Variants in SEC22A observed in about 807,000 individuals in gnomAD.
SEC22A encodes the protein vesicle-trafficking protein SEC22a.
SEC22A carries 22 observed loss-of-function variants against 35.3 expected under a neutral mutation model. The ratio of observed to expected loss-of-function variants is 0.62; its 90% CI spans 0.45 to 0.89. The LOEUF is 0.89. Among genes scored for constraint, SEC22A ranks in the 40% least tolerant of loss-of-function variants. SEC22A has a pLI of 0.00. For synonymous variants in SEC22A, 119 were observed against 129.5 expected, an observed-to-expected ratio of 0.92 and a Z score of 0.55; for missense variants, 354 against 362.5, an observed-to-expected ratio of 0.98 and a Z score of 0.19.
In SEC22A at chr3:123,271,558, G is replaced by A. The variant is rs1443325051; in HGVS notation, c.760G>A (p.Val254Ile). 1 of 1,613,972 alleles carries A rather than the reference G, an allele frequency of 6.2e-7. No individual in the cohort carries two copies. The highest frequency in any genetic ancestry group is 8.5e-7 in the Non-Finnish European group (1 of 1,180,002). ...TGTCTACTACACCGGCTGGCGGAATGTCAAATCTTTTTTGACTTTTGGCTT... is the reference window on the plus strand; with the variant it reads ...TGTCTACTACACCGGCTGGCGGAATATCAAATCTTTTTTGACTTTTGGCTT... ...LLVYYTGWRNVKSFLTFGLIC... is the reference protein window; with the variant it reads ...LLVYYTGWRNIKSFLTFGLIC... Residue 254 changes from valine (V) to isoleucine (I), a missense_variant, in exon 7 of 7, where the codon GTC (valine) becomes ATC (isoleucine). Val to Ile is a conservative substitution (Grantham distance 29). Transcript: ENST00000492595.
intron 1 of SEC22A, among the ~76,000 whole-genome samples, chr3:123,202,889 C>T (rs978390163): frequency 1.3e-5 from 2 of 152,056 alleles, no homozygotes; most frequent in Non-Finnish European, 2.9e-5. Context: ...TATTTGCTTA[C>T]ATGCTAAGAT....
intron 1 of SEC22A, chr3:123,208,278 A>T (rs894919853): frequency 1.3e-5 from 2 of 152,246 alleles, no homozygotes; most frequent in African/African-American, 4.8e-5. Flanking sequence ...TCACCATTTT[A>T]TAGGATATTT....
rs531138154 is a variant in SEC22A at position 123,223,998 on chromosome 3, T to G, written c.346+276T>G. ...TTTATAAGCCAGAGATTCAGACTTT[T>G]GCGTTTCTGTAATAATCTTTTATAG... On this transcript the variant is annotated intron_variant, in intron 3 of 6. Transcript: ENST00000492595. 3.9e-5 allele frequency among the ~76,000 whole-genome samples: 6 copies of G among 152,340 alleles called. No individual in the cohort carries two copies. The South Asian group carries it at 1.2e-3, about 32-fold the overall frequency.
intron 4 of SEC22A, among the ~76,000 whole-genome samples, chr3:123,228,417 A>G (rs1226771431): frequency 1.3e-5 from 2 of 151,190 alleles, no homozygotes; most frequent in East Asian, 3.9e-4. Flanking sequence ...AAAAAAAAAA[A>G]AAAAAAAATT....
At chr3:123,242,543 C>A (rs2075079951) in intron 4 of SEC22A, among the ~76,000 whole-genome samples, 1 of 151,524 alleles carries the variant, frequency 6.6e-6, no homozygotes, top group South Asian at 2.1e-4. Flanking sequence ...AATGAACTCC[C>A]AAGCACTCAG....
chr3:123,260,188 G>T (rs1937857457), intron 6 of SEC22A, among the ~76,000 whole-genome samples: 1 of 136,240 alleles, frequency 7.3e-6, no homozygotes, highest in Non-Finnish European at 1.5e-5. Flanking sequence ...TTTTCTGGTG[G>T]TTGATTATTC....
chr3:123,269,926 C>G (rs545121554), intron 6 of SEC22A, among the ~76,000 whole-genome samples: 5 of 116,650 alleles, frequency 4.3e-5, no homozygotes, highest in Admixed American at 2.4e-4. Flanking sequence ...GCCACCATGC[C>G]TGGCCAAAAA....
chr3:123,214,973 G>T (rs1030221566), intron 2 of SEC22A, among the ~76,000 whole-genome samples: 1 of 152,108 alleles, frequency 6.6e-6, no homozygotes, highest in African/African-American at 2.4e-5. Flanking sequence ...ACTGTTTTAG[G>T]CTTACCTGCA....
chr3:123,210,372 T>TA (rs1264203557), intron 2 of SEC22A, among the ~76,000 whole-genome samples: 3 of 152,134 alleles, frequency 2.0e-5, no homozygotes, highest in African/African-American at 7.2e-5. Context: ...GATGTGAAGG[T>TA]AAAAGAAGAA....
intron 1 of SEC22A, among the ~76,000 whole-genome samples, chr3:123,205,661 A>T (rs1311212739): frequency 6.6e-6 from 1 of 151,794 alleles, no homozygotes; most frequent in Non-Finnish European, 1.5e-5. Flanking sequence ...TGGGCAACAG[A>T]GTGAGACCCT....
intron 4 of SEC22A, among the ~76,000 whole-genome samples, chr3:123,237,610 T>G (rs1317676354): frequency 6.6e-6 from 1 of 152,154 alleles, no homozygotes; most frequent in African/African-American, 2.4e-5. Flanking sequence ...TAGTTCTAAT[T>G]CCATGGGTCT....
chr3:123,220,923 A>G (rs914920067), intron 2 of SEC22A, among the ~76,000 whole-genome samples: 1 of 140,876 alleles, frequency 7.1e-6, no homozygotes, highest in African/African-American at 2.6e-5. Flanking sequence ...TCACACACAT[A>G]TTTACTTACA....
At chr3:123,207,259 C>T (rs541780345) in intron 1 of SEC22A, among the ~76,000 whole-genome samples, 2 of 152,254 alleles carry the variant, frequency 1.3e-5, no homozygotes, top group East Asian at 3.9e-4. Context: ...ATTTTGACTT[C>T]ACACAGCAGT....
At chr3:123,251,908 T>C (rs1425196535) in intron 5 of SEC22A, among the ~76,000 whole-genome samples, 2 of 152,218 alleles carry the variant, frequency 1.3e-5, no homozygotes, top group African/African-American at 4.8e-5. Context: ...TTCTCTGCTT[T>C]GTAAAGATTC....
intron 1 of SEC22A, among the ~76,000 whole-genome samples, chr3:123,208,065 C>T (rs960562964): frequency 1.3e-5 from 2 of 152,036 alleles, no homozygotes; most frequent in African/African-American, 2.4e-5. Flanking sequence ...TTTCTGCATC[C>T]GTTTTTCAAT....
At chr3:123,205,303 A>G (rs1936833097) in intron 1 of SEC22A, among the ~76,000 whole-genome samples, 1 of 152,238 alleles carries the variant, frequency 6.6e-6, no homozygotes, top group Admixed American at 6.5e-5. Context: ...TCTATGGATA[A>G]GTAGAAACCA....
intron 1 of SEC22A, among the ~76,000 whole-genome samples, chr3:123,205,488 G>A (rs1032307380): frequency 3.9e-5 from 6 of 152,094 alleles, no homozygotes; most frequent in Admixed American, 3.9e-4. Flanking sequence ...CAGAATTTGA[G>A]ACCAGCCTGG....
intron 4 of SEC22A, among the ~76,000 whole-genome samples, chr3:123,228,576 C>G (rs933577569): frequency 1.2e-5 from 1 of 83,068 alleles, no homozygotes; most frequent in Non-Finnish European, 2.6e-5. Flanking sequence ...AACTCCATCT[C>G]AAAAAAAAAA....
intron 6 of SEC22A, among the ~76,000 whole-genome samples, chr3:123,262,541 TCA>T (rs1000640492): frequency 1.5e-4 from 23 of 152,228 alleles, no homozygotes; most frequent in African/African-American, 5.5e-4. Flanking sequence ...TTTCAGGTAC[TCA>T]CATGACCATT....
Sources: allele counts gnomAD v4.1 joint callset (sites outside exome capture counted in the v4.1 genomes callset), GRCh38; gene constraint gnomAD v4.1.1; transcripts MANE v1.5; gene names NCBI Gene and HGNC (gene_info 2026-07-23, HGNC 2026-07-21).